The following NCOA2 variants were observed in gnomAD, a reference collection of about 807,000 sequenced individuals.
NCOA2 encodes the protein class E basic helix-loop-helix protein 75.
NCOA2 carries 21 observed loss-of-function variants against 145.1 expected under a neutral mutation model. The observed-to-expected ratio is 0.14, with a 90% CI of 0.10 to 0.21. NCOA2 has a LOEUF of 0.21. Ranked by LOEUF, NCOA2 falls within the 10% of genes least tolerant of loss-of-function variation. The pLI is 1.00. For missense variants in NCOA2, 1,472 were observed against 1,837.6 expected (o/e 0.80, Z 3.64); for synonymous variants, 619 against 637.5 (o/e 0.97, Z 0.44).
At position 70,113,168 on chromosome 8, in the gene NCOA2, A is replaced by T. The variant is rs556138253; in HGVS notation, c.*464T>A. On this transcript the variant is annotated 3_prime_UTR_variant, in exon 23 of 23. Coordinates refer to ENST00000452400, the MANE Select transcript of NCOA2 (RefSeq NM_006540.4). Reference sequence around the variant, plus strand: ...TAAAACATCTTTAGTTTAATTTTTTAAAAAATTCTTTTCTTTCCCCCAGAT... The same window carrying T: ...TAAAACATCTTTAGTTTAATTTTTTTAAAAATTCTTTTCTTTCCCCCAGAT... 90 of 217,414 alleles carry T rather than the reference A, an allele frequency of 4.1e-4. No homozygotes were observed. Among genetic ancestry groups the T allele is most frequent in the African/African-American group, 1.8e-3 (80 of 44,386 alleles). 13.5% of individuals were successfully genotyped at this position (217,414 alleles called of 1,614,324 possible).
Position 70,382,850 on chromosome 8 carries a change from A to C in NCOA2, c.-77+20850T>G, listed in dbSNP as rs991971800. On this transcript the variant is annotated intron_variant, in intron 1 of 22. Transcript: ENST00000452400. ...CTGTAGGATCAGCCGTGTTAATAAT[A>C]ATACTTCGCAATTTTATGTCACTTT... 2.0e-5 allele frequency among the ~76,000 whole-genome samples: 3 copies of C among 152,206 alleles called. No homozygotes were observed. The East Asian group carries it at 5.8e-4, about 29-fold the overall frequency.
At chr8:70,198,894 C>T (rs1347802780) in intron 4 of NCOA2, among the ~76,000 whole-genome samples, 1 of 151,932 alleles carries the variant, frequency 6.6e-6, no homozygotes, top group East Asian at 1.9e-4. Context: ...TGTGGAACAC[C>T]CCTGTGGATG....
the NCOA2 span, chr8:70,424,570 GA>G: frequency 3.9e-5 from 20 of 511,504 alleles, no homozygotes; most frequent in African/African-American, 3.9e-4. Flanking sequence ...GGGATCACAA[GA>G]GATAAGGCAG....
At chr8:70,125,198 A>AATAT (rs756328634) in intron 19 of NCOA2, among the ~76,000 whole-genome samples, 1 of 148,554 alleles carries the variant, frequency 6.7e-6, no homozygotes, top group African/African-American at 2.6e-5. Flanking sequence ...ATCAACAAGA[A>AATAT]ATATATATAT....
intron 1 of NCOA2, among the ~76,000 whole-genome samples, chr8:70,302,290 T>A (rs750540455): frequency 3.3e-5 from 5 of 152,128 alleles, no homozygotes; most frequent in Non-Finnish European, 7.4e-5. Context: ...GGACTAGACA[T>A]GCAAAGTAAA....
the NCOA2 span, among the ~76,000 whole-genome samples, chr8:70,452,779 T>C: frequency 2.7e-5 from 4 of 149,878 alleles, no homozygotes; most frequent in African/African-American, 7.3e-5. Context: ...AACAAAAACA[T>C]AAAACTTCAA....
intron 2 of NCOA2, among the ~76,000 whole-genome samples, chr8:70,233,522 ATATTGTAT>A (rs1310561934): frequency 6.6e-6 from 1 of 152,164 alleles, no homozygotes; most frequent in Admixed American, 6.5e-5. Context: ...TGACCCAAAG[ATATTGTAT>A]CTCTTCCCAT....
intron 2 of NCOA2, among the ~76,000 whole-genome samples, chr8:70,263,956 T>C (rs1323294685): frequency 2.0e-5 from 3 of 152,324 alleles, no homozygotes; most frequent in African/African-American, 7.2e-5. Flanking sequence ...CTCATGCCTA[T>C]AATCCCAGCA....
At chr8:70,352,529 G>C (rs1180616439) in intron 1 of NCOA2, among the ~76,000 whole-genome samples, 1 of 152,064 alleles carries the variant, frequency 6.6e-6, no homozygotes, top group African/African-American at 2.4e-5. Context: ...AATTACTTGT[G>C]CAATTTTTTC....
intron 22 of NCOA2, among the ~76,000 whole-genome samples, chr8:70,114,660 TAAC>T (rs1806883916): frequency 6.6e-6 from 1 of 152,310 alleles, no homozygotes; most frequent in Non-Finnish European, 1.5e-5. Context: ...TTATTACAAA[TAAC>T]AACATGATCT....
chr8:70,291,993 T>C (rs1826723618), intron 2 of NCOA2, among the ~76,000 whole-genome samples: 1 of 149,572 alleles, frequency 6.7e-6, no homozygotes, highest in African/African-American at 2.5e-5. Flanking sequence ...GAGAATGGCA[T>C]GAACCTGGGA....
At chr8:70,400,506 T>C (rs940690230) in intron 1 of NCOA2, among the ~76,000 whole-genome samples, 7 of 152,150 alleles carry the variant, frequency 4.6e-5, no homozygotes, top group African/African-American at 1.7e-4. Flanking sequence ...CTCTTCAGCA[T>C]ACAAAAGAGA....
At chr8:70,347,463 C>T (rs773046199) in intron 1 of NCOA2, among the ~76,000 whole-genome samples, 4 of 149,004 alleles carry the variant, frequency 2.7e-5, no homozygotes, top group Non-Finnish European at 5.9e-5. Flanking sequence ...CTAGCCTGGA[C>T]GACAGAGCAA....
At chr8:70,424,299 A>G in the NCOA2 span, 2 of 373,140 alleles carry the variant, frequency 5.4e-6, no homozygotes, top group Non-Finnish European at 1.0e-5. Context: ...GGACCTGGCT[A>G]TAGTTTCCAG....
intron 2 of NCOA2, among the ~76,000 whole-genome samples, chr8:70,263,249 C>A (rs754027023): frequency 6.7e-5 from 10 of 148,182 alleles, no homozygotes; most frequent in African/African-American, 1.0e-4. Flanking sequence ...AGATGAGGGA[C>A]AAAGGGAGGA....
intron 9 of NCOA2, among the ~76,000 whole-genome samples, chr8:70,161,093 TAAAC>T (rs1812949462): frequency 6.6e-6 from 1 of 152,234 alleles, no homozygotes; most frequent in Non-Finnish European, 1.5e-5. Context: ...TGCCTCCATT[TAAAC>T]AACGCTTTGC....
chr8:70,337,506 T>G (rs1490266316), intron 1 of NCOA2, among the ~76,000 whole-genome samples: 1 of 152,146 alleles, frequency 6.6e-6, no homozygotes, highest in Non-Finnish European at 1.5e-5. Context: ...CTTAGGCAAG[T>G]TACCCAGCCT....
At chr8:70,413,097 C>CAAAAA in the NCOA2 span, among the ~76,000 whole-genome samples, 10 of 59,292 alleles carry the variant, frequency 1.7e-4, no homozygotes, top group African/African-American at 3.0e-4. Flanking sequence ...GACTCCGTCT[C>CAAAAA]AAAAAAAAAA....
In NCOA2 at chr8:70,230,095, A is replaced by G. The variant is rs73291118; in HGVS notation, c.-19-13331T>C. On this transcript the variant is annotated intron_variant, in intron 2 of 22. Transcript: ENST00000452400. ...GTCAATTTAATAAACTGTGAGTACA[A>G]TGAAAACTTTTGAGCTGAAGATGGT... Among the ~76,000 whole-genome samples, 428 of 152,346 alleles carry G rather than the reference A, an allele frequency of 2.8e-3. 3 individuals carry two copies. The highest frequency in any genetic ancestry group is 9.9e-3 in the African/African-American group (410 of 41,580).
Sources: allele counts gnomAD v4.1 joint callset (sites outside exome capture counted in the v4.1 genomes callset), GRCh38; gene constraint gnomAD v4.1.1; transcripts MANE v1.5; gene names NCBI Gene and HGNC (gene_info 2026-07-23, HGNC 2026-07-21).